Variants in KHDRBS3 observed in about 807,000 individuals in gnomAD.
KHDRBS3 encodes KH domain-containing, RNA-binding, signal transduction-associated protein 3.
KHDRBS3 carries 23 observed loss-of-function variants against 45.6 expected under a neutral mutation model. The observed-to-expected ratio is 0.50, with a 90% CI of 0.36 to 0.72. The LOEUF is 0.72. Among genes scored for constraint, KHDRBS3 ranks in the 30% least tolerant of loss-of-function variants. The pLI is 0.00. For missense variants in KHDRBS3, 352 were observed against 424.8 expected (o/e 0.83, Z 1.51); for synonymous variants, 162 against 156.5 (o/e 1.04, Z -0.26).
At chr8:135,654,141 G>T (rs1449952399) in intron 4 of KHDRBS3, among the ~76,000 whole-genome samples, 2 of 152,176 alleles carry the variant, frequency 1.3e-5, no homozygotes, top group South Asian at 2.1e-4. Context: ...TCACTTTGAA[G>T]TATGTCTTAG....
At chr8:135,590,875 C>T (rs1488247966) in intron 6 of KHDRBS3, among the ~76,000 whole-genome samples, 1 of 152,186 alleles carries the variant, frequency 6.6e-6, no homozygotes. Flanking sequence ...ACTAATATCT[C>T]TTGATATCTC....
chr8:135,546,187 C>A (rs190217197), intron 3 of KHDRBS3, among the ~76,000 whole-genome samples: 1 of 151,920 alleles, frequency 6.6e-6, no homozygotes, highest in African/African-American at 2.4e-5. Context: ...AGTATCCCAT[C>A]TGCTGTATTA....
chr8:135,539,212 T>C (rs1286074495), intron 2 of KHDRBS3: 1 of 152,226 alleles, frequency 6.6e-6, no homozygotes, highest in Non-Finnish European at 1.5e-5. Flanking sequence ...CAAATAAACA[T>C]GCTAAATATT....
At chr8:135,460,445 G>A (rs1821375147) in intron 1 of KHDRBS3, among the ~76,000 whole-genome samples, 1 of 152,224 alleles carries the variant, frequency 6.6e-6, no homozygotes, top group African/African-American at 2.4e-5. Context: ...GAAGGCAGCT[G>A]AGGATCCCAG....
At chr8:135,542,520 ATGCATGTAGCAGGAGCTTAAATATT>A in intron 2 of KHDRBS3, 109 bp from the exon 3 acceptor site, 1 of 616,188 alleles carries the variant, frequency 1.6e-6, no homozygotes, top group Non-Finnish European at 2.9e-6. Context: ...TCATATTTTA[ATGCATGTAGCAGGAGCTTAAATATT>A]TGCCATTAAT....
At chr8:135,468,897 A>G (rs1821835554) in intron 1 of KHDRBS3, among the ~76,000 whole-genome samples, 1 of 152,260 alleles carries the variant, frequency 6.6e-6, no homozygotes, top group Non-Finnish European at 1.5e-5. Context: ...GCTTTTAGAA[A>G]CATAATGTGC....
At chr8:135,463,729 G>GA in intron 1 of KHDRBS3, among the ~76,000 whole-genome samples, 1 of 152,312 alleles carries the variant, frequency 6.6e-6, no homozygotes, top group Admixed American at 6.5e-5. Flanking sequence ...GGGAAACTCC[G>GA]AAAGCCAGAG....
chr8:135,586,952 A>G (rs1326718580), intron 6 of KHDRBS3, among the ~76,000 whole-genome samples: 1 of 152,222 alleles, frequency 6.6e-6, no homozygotes, highest in African/African-American at 2.4e-5. Flanking sequence ...ATCTTTAAAG[A>G]TACTCAGTGA....
At position 135,542,746 on chromosome 8, in the gene KHDRBS3, A is replaced by C; in HGVS notation, c.300A>C (p.Lys100Asn). 2 of 1,612,352 alleles carry C rather than the reference A, an allele frequency of 1.2e-6. No individual in the cohort carries two copies. Among genetic ancestry groups the C allele is most frequent in the Non-Finnish European group, 1.7e-6 (2 of 1,178,408 alleles). ...ETLTKMSILG[K>N]GSMRDKAKEE... ...TGACAAAAATGTCCATCCTTGGGAAAGGTTCCATGAGAGACAAGGCCAAGG... is the reference window on the plus strand; with the variant it reads ...TGACAAAAATGTCCATCCTTGGGAACGGTTCCATGAGAGACAAGGCCAAGG... Residue 100 changes from lysine (K) to asparagine (N), a missense_variant, in exon 3 of 9, where the codon AAA becomes AAC. Physicochemically the swap from Lys to Asn is moderately conservative, Grantham distance 94. Coordinates refer to ENST00000355849, the MANE Select transcript of KHDRBS3 (RefSeq NM_006558.3).
intron 7 of KHDRBS3, among the ~76,000 whole-genome samples, chr8:135,641,808 CAA>C (rs1360891339): frequency 6.6e-6 from 1 of 152,180 alleles, no homozygotes; most frequent in Admixed American, 6.5e-5. Flanking sequence ...ATTCTCAAGA[CAA>C]GAGAAATATT....
intron 5 of KHDRBS3, among the ~76,000 whole-genome samples, chr8:135,581,462 G>A (rs1828203198): frequency 6.6e-6 from 1 of 152,178 alleles, no homozygotes; most frequent in African/African-American, 2.4e-5. Context: ...TTTGCTCACA[G>A]CTGTTCTGAG....
chr8:135,579,903 A>T (rs746336116), intron 5 of KHDRBS3, among the ~76,000 whole-genome samples: 1 of 152,186 alleles, frequency 6.6e-6, no homozygotes, highest in Non-Finnish European at 1.5e-5. Context: ...ACCTGTGTTC[A>T]TGAGAGATGC....
intron 7 of KHDRBS3, among the ~76,000 whole-genome samples, chr8:135,643,722 A>T (rs1055529555): frequency 3.3e-5 from 5 of 152,260 alleles, no homozygotes; most frequent in African/African-American, 1.2e-4. Context: ...TTGTGACCAC[A>T]AGTCTGGCCT....
intron 7 of KHDRBS3, among the ~76,000 whole-genome samples, chr8:135,608,606 G>T (rs894159861): frequency 3.3e-5 from 5 of 152,162 alleles, no homozygotes; most frequent in Non-Finnish European, 7.4e-5. Context: ...CTTAATCCTG[G>T]TACATTTGTG....
chr8:135,463,409 G>A (rs939126014), intron 1 of KHDRBS3, among the ~76,000 whole-genome samples: 3 of 152,164 alleles, frequency 2.0e-5, no homozygotes, highest in Admixed American at 6.5e-5. Context: ...AGAAGGTTCT[G>A]AGTGAAATGC....
chr8:135,534,559 C>T (rs1378257847), intron 2 of KHDRBS3, among the ~76,000 whole-genome samples: 5 of 152,090 alleles, frequency 3.3e-5, no homozygotes, highest in African/African-American at 2.4e-5. Context: ...AAAAAGAAGG[C>T]GACAGGCAGG....
At chr8:135,550,531 C>T (rs538983083) in intron 4 of KHDRBS3, among the ~76,000 whole-genome samples, 1 of 152,248 alleles carries the variant, frequency 6.6e-6, no homozygotes, top group East Asian at 1.9e-4. Flanking sequence ...ATTGACTAAA[C>T]ATAAATGTAA....
rs1208931467 is a variant in KHDRBS3 at position 135,494,338 on chromosome 8, G to A, written c.89-26899G>A. ...CTGTCACCCAGGCTGGAGTGCAGTGGCGTGATCTCGGCTCACTGCAAGCTC... is the reference window on the plus strand; with the variant it reads ...CTGTCACCCAGGCTGGAGTGCAGTGACGTGATCTCGGCTCACTGCAAGCTC... On this transcript the variant is annotated intron_variant, in intron 1 of 8. Transcript: ENST00000355849. Among the ~76,000 whole-genome samples, 3 of 142,940 alleles carry A rather than the reference G, an allele frequency of 2.1e-5. No homozygotes were observed. In the East Asian group the frequency reaches 6.0e-4, roughly 29 times the overall value. 93.8% of individuals were successfully genotyped at this position (142,940 alleles called of 152,430 possible). A position where few individuals can be genotyped will look rare whatever the true frequency, so the allele number is the denominator to read the frequency against.
At chr8:135,508,408 C>A (rs1824114763) in intron 1 of KHDRBS3, among the ~76,000 whole-genome samples, 2 of 152,228 alleles carry the variant, frequency 1.3e-5, no homozygotes, top group South Asian at 4.1e-4. Context: ...TGAGTGCAGT[C>A]TGAACAGAAC....
Sources: allele counts gnomAD v4.1 joint callset (sites outside exome capture counted in the v4.1 genomes callset), GRCh38; gene constraint gnomAD v4.1.1; transcripts MANE v1.5; gene names NCBI Gene and HGNC (gene_info 2026-07-23, HGNC 2026-07-21).